The following ADAMTS20 variants were observed in gnomAD, a reference collection of about 807,000 sequenced individuals.
ADAMTS20 encodes the protein A disintegrin and metalloproteinase with thrombospondin motifs 20.
Under a neutral mutation model 260.1 loss-of-function variants are expected in ADAMTS20, and 225 were observed. That is an observed-to-expected ratio of 0.87 (90% CI 0.78 to 0.97). The LOEUF (loss-of-function observed/expected upper bound fraction) is 0.97, where lower values mean the gene tolerates loss of function less well. ADAMTS20 is among the 50% of genes least tolerant of loss of function. The pLI is 0.00. For missense variants in ADAMTS20, 2,400 were observed against 2,337.7 expected, an observed-to-expected ratio of 1.03 and a Z score of -0.55; for synonymous variants, 802 against 769.5, an observed-to-expected ratio of 1.04 and a Z score of -0.70.
At chr12:43,434,413 T>G in intron 18 of ADAMTS20, 42 bp from the exon 19 acceptor site, 2 of 1,534,486 alleles carry the variant, frequency 1.3e-6, no homozygotes, top group South Asian at 2.5e-5. Flanking sequence ...AAAGAAAAAT[T>G]CACAGTTAGA....
intron 11 of ADAMTS20, among the ~76,000 whole-genome samples, chr12:43,455,409 G>T (rs1484128986): frequency 1.3e-5 from 2 of 152,158 alleles, no homozygotes; most frequent in Non-Finnish European, 2.9e-5. Flanking sequence ...CTTCTTCCAA[G>T]ATAGCACCTT....
At chr12:43,549,202 A>AAATTG (rs1792693380) in intron 2 of ADAMTS20, among the ~76,000 whole-genome samples, 1 of 151,522 alleles carries the variant, frequency 6.6e-6, no homozygotes, top group Non-Finnish European at 1.5e-5. Context: ...ATAATACATT[A>AAATTG]TCCACATAAA....
chr12:43,464,099 A>G (rs1942111390), intron 10 of ADAMTS20, among the ~76,000 whole-genome samples: 1 of 152,144 alleles, frequency 6.6e-6, no homozygotes, highest in East Asian at 1.9e-4. Flanking sequence ...CTCATCTATG[A>G]AAAATCCTCA....
chr12:43,392,065 G>A (rs1940607638), intron 29 of ADAMTS20, among the ~76,000 whole-genome samples: 3 of 151,926 alleles, frequency 2.0e-5, no homozygotes, highest in Admixed American at 2.0e-4. Context: ...GTTGAATTTT[G>A]CCAACTCATT....
chr12:43,440,138 A>AATT, intron 16 of ADAMTS20, 69 bp from the exon 17 acceptor site: 7 of 1,024,248 alleles, frequency 6.8e-6, no homozygotes, highest in Admixed American at 3.3e-5. Context: ...CACTTGTTTA[A>AATT]CTTTTTTTTT....
At chr12:43,421,411 A>G (rs998448377) in intron 28 of ADAMTS20, among the ~76,000 whole-genome samples, 2 of 152,068 alleles carry the variant, frequency 1.3e-5, no homozygotes, top group African/African-American at 2.4e-5. Context: ...CTGAATACAC[A>G]CTATTTGTTT....
intron 7 of ADAMTS20, among the ~76,000 whole-genome samples, chr12:43,489,994 T>C (rs879460290): frequency 2.6e-5 from 4 of 151,966 alleles, no homozygotes; most frequent in Non-Finnish European, 2.9e-5. Flanking sequence ...AATTGGTAAA[T>C]ACAAAATTCA....
intron 35 of ADAMTS20, among the ~76,000 whole-genome samples, chr12:43,375,817 C>T (rs76070325): frequency 9.2e-5 from 14 of 152,316 alleles, no homozygotes; most frequent in Admixed American, 4.6e-4. Flanking sequence ...CGACTTCTCA[C>T]CCACAGTATT....
At chr12:43,462,418 T>C (rs1390033633) in intron 11 of ADAMTS20, among the ~76,000 whole-genome samples, 1 of 152,170 alleles carries the variant, frequency 6.6e-6, no homozygotes, top group African/African-American at 2.4e-5. Context: ...AATAAAGACC[T>C]AGCATGGTAG....
intron 37 of ADAMTS20, among the ~76,000 whole-genome samples, chr12:43,366,437 A>G (rs1348093828): frequency 6.6e-6 from 1 of 152,022 alleles, no homozygotes; most frequent in East Asian, 1.9e-4. Flanking sequence ...CAAGAAAGAA[A>G]GAGTTGAACA....
intron 29 of ADAMTS20, among the ~76,000 whole-genome samples, chr12:43,388,412 A>C (rs942773444): frequency 2.0e-5 from 3 of 152,206 alleles, no homozygotes; most frequent in Non-Finnish European, 4.4e-5. Flanking sequence ...AAATGCAGAA[A>C]TCACCTGCCT....
intron 7 of ADAMTS20, among the ~76,000 whole-genome samples, chr12:43,487,202 G>T (rs1013537915): frequency 6.6e-6 from 1 of 152,072 alleles, no homozygotes; most frequent in Admixed American, 6.6e-5. Flanking sequence ...AGAAAATGTG[G>T]TATGTATACA....
intron 2 of ADAMTS20, among the ~76,000 whole-genome samples, chr12:43,542,366 A>G (rs995311633): frequency 8.5e-5 from 13 of 152,222 alleles, no homozygotes; most frequent in Non-Finnish European, 1.6e-4. Context: ...ACAAACACAA[A>G]AATACATATA....
intron 37 of ADAMTS20, among the ~76,000 whole-genome samples, chr12:43,358,822 G>C (rs1387412582): frequency 2.3e-5 from 3 of 129,734 alleles, no homozygotes; most frequent in African/African-American, 9.3e-5. Flanking sequence ...GGGCGACAGA[G>C]CGAAACTCCG....
intron 28 of ADAMTS20, among the ~76,000 whole-genome samples, chr12:43,420,581 A>G (rs1041148441): frequency 2.6e-5 from 4 of 152,010 alleles, no homozygotes; most frequent in African/African-American, 7.2e-5. Flanking sequence ...TTGCCTACAC[A>G]TTGCCTGGCT....
At chr12:43,439,563 C>G in intron 18 of ADAMTS20, 59 bp downstream of exon 18, 1 of 1,552,062 alleles carries the variant, frequency 6.4e-7, no homozygotes. Context: ...CTCAAAAGTA[C>G]CCAAAATGAT....
At chr12:43,463,076 G>T in intron 10 of ADAMTS20, 77 bp from the exon 11 acceptor site, 2 of 983,564 alleles carry the variant, frequency 2.0e-6, no homozygotes, top group South Asian at 1.8e-5. Context: ...ATTACACATT[G>T]ATTTATAAAT....
In ADAMTS20 at chr12:43,390,555, CA is replaced by C. The variant is rs1940575333; in HGVS notation, c.4453-6579del. Among the ~76,000 whole-genome samples, 6 of 152,322 alleles carry C rather than the reference CA, an allele frequency of 3.9e-5. No homozygotes were observed. The South Asian group carries it at 1.2e-3, about 32-fold the overall frequency. ...TTGCTTAGAAATATCCTCAGCCTAA[CA>C]GCCAATTTCATCACTTATCAGTTCT... On this transcript the variant is annotated intron_variant, in intron 29 of 38. Transcript: ENST00000389420.
intron 28 of ADAMTS20, among the ~76,000 whole-genome samples, chr12:43,417,032 T>C (rs1941145974): frequency 6.6e-6 from 1 of 152,216 alleles, no homozygotes; most frequent in Non-Finnish European, 1.5e-5. Context: ...TTTGCATGTA[T>C]ATTTAATTTT....
Sources: gnomAD v4.1 joint callset for allele counts (sites outside exome capture counted in the v4.1 genomes callset) on GRCh38, gnomAD v4.1.1 for gene constraint, MANE v1.5 for transcripts, NCBI Gene and HGNC (gene_info 2026-07-23, HGNC 2026-07-21) for gene names.